The following DCBLD2 variants were observed in gnomAD, a reference collection of about 807,000 sequenced individuals.
The protein encoded by DCBLD2 is discoidin, CUB and LCCL domain containing 2.
A neutral mutation model predicts 86.8 loss-of-function variants in DCBLD2; 54 were observed. The ratio of observed to expected loss-of-function variants is 0.62; its 90% CI spans 0.50 to 0.78. The LOEUF (loss-of-function observed/expected upper bound fraction) is 0.78. DCBLD2 is among the 30% of genes least tolerant of loss of function. The pLI is 0.00. For synonymous variants in DCBLD2, 354 were observed against 341.3 expected, an observed-to-expected ratio of 1.04 and a Z score of -0.41; for missense variants, 908 against 954.2, an observed-to-expected ratio of 0.95 and a Z score of 0.64.
intron 1 of DCBLD2, among the ~76,000 whole-genome samples, chr3:98,882,518 C>T (rs994680550): frequency 6.6e-6 from 1 of 152,004 alleles, no homozygotes; most frequent in African/African-American, 2.4e-5. Context: ...GTTTGCTGTG[C>T]CCATCAACCC....
intron 1 of DCBLD2, among the ~76,000 whole-genome samples, chr3:98,900,432 GT>G (rs1252372068): frequency 1.3e-5 from 2 of 151,932 alleles, no homozygotes; most frequent in African/African-American, 4.8e-5. Flanking sequence ...TTAATAAACA[GT>G]TTTGCCTGTT....
chr3:98,897,693 C>T lies in DCBLD2; in HGVS notation c.205+3429G>A, dbSNP rs1943773822. On this transcript the variant is annotated intron_variant, in intron 1 of 15. Transcript: ENST00000326840. ...TTTTAAGAATGAACCTGATTTGTTTCACAGATTAAATTAGCAAAGAAAAAC... is the reference window on the plus strand; with the variant it reads ...TTTTAAGAATGAACCTGATTTGTTTTACAGATTAAATTAGCAAAGAAAAAC... Among the ~76,000 whole-genome samples the T allele has an allele frequency of 2.0e-5, 3 of 152,026 alleles. No homozygotes were observed. The South Asian group carries it at 6.2e-4, about 31-fold the overall frequency.
At chr3:98,824,298 C>T (rs1277286856) in intron 4 of DCBLD2, among the ~76,000 whole-genome samples, 1 of 144,552 alleles carries the variant, frequency 6.9e-6, no homozygotes, top group Non-Finnish European at 1.5e-5. Context: ...TGAGTGGAGG[C>T]TGGGACACCA....
intron 2 of DCBLD2, among the ~76,000 whole-genome samples, chr3:98,863,661 T>G (rs1413218922): frequency 1.3e-5 from 2 of 152,210 alleles, no homozygotes; most frequent in African/African-American, 2.4e-5. Flanking sequence ...GCTAGCCATA[T>G]GTAGAAAGCT....
intron 2 of DCBLD2, among the ~76,000 whole-genome samples, chr3:98,860,632 T>C (rs1208706614): frequency 1.3e-5 from 2 of 152,140 alleles, no homozygotes; most frequent in Non-Finnish European, 2.9e-5. Context: ...CTAAGCTTCA[T>C]AAGTGAAGGA....
intron 2 of DCBLD2, among the ~76,000 whole-genome samples, chr3:98,875,119 A>C (rs1013176741): frequency 9.2e-5 from 14 of 152,354 alleles, no homozygotes; most frequent in African/African-American, 3.4e-4. Flanking sequence ...AAAAAAAGGA[A>C]GTAGAACTAT....
chr3:98,870,738 AAAGAAAGAAAGAAAG>A (rs1559794409), intron 2 of DCBLD2, among the ~76,000 whole-genome samples: 5 of 13,314 alleles, frequency 3.8e-4, no homozygotes, highest in African/African-American at 1.3e-3. Flanking sequence ...AAAGAAAGAA[AAAGAAAGAAAGAAAG>A]AAAGAAAGAA....
intron 2 of DCBLD2, among the ~76,000 whole-genome samples, chr3:98,860,123 G>A (rs182436557): frequency 3.9e-5 from 6 of 152,232 alleles, no homozygotes; most frequent in Admixed American, 2.0e-4. Flanking sequence ...AAAGGGTATC[G>A]GTGATAGAAG....
At chr3:98,807,752 C>T (rs183273759) in intron 13 of DCBLD2, among the ~76,000 whole-genome samples, 1 of 152,218 alleles carries the variant, frequency 6.6e-6, no homozygotes, top group East Asian at 1.9e-4. Flanking sequence ...GATATAGTTC[C>T]TTGTTAGTCA....
chr3:98,854,237 T>C (rs999838275), intron 2 of DCBLD2, among the ~76,000 whole-genome samples: 8 of 152,328 alleles, frequency 5.3e-5, no homozygotes, highest in Non-Finnish European at 8.8e-5. Context: ...ATGTTTACCA[T>C]AGATGCTATC....
At position 98,799,422 on chromosome 3, in the gene DCBLD2, A is replaced by T; in HGVS notation, c.2278T>A (p.Ser760Thr). The T allele has an allele frequency of 6.2e-7, 1 of 1,613,892 alleles. No homozygotes were observed. The change falls in exon 16 of 16, where the codon TCA becomes ACA. Residue 760 changes from serine (S) to threonine (T), a missense_variant. By Grantham distance (58) the Ser-to-Thr change is moderately conservative. This residue lies in a region of DCBLD2 where 606 missense variants were observed against 678.5 expected (regional missense o/e 0.89). Transcript: ENST00000326840. ...YQVPQSTQEV[S>T]GAGRDGECDV... Reference sequence around the variant, plus strand: ...CATTCCCCATCCCTTCCTGCTCCTGATACTTCTTGTGTGCTCTGTGGCACC... The same window carrying T: ...CATTCCCCATCCCTTCCTGCTCCTGTTACTTCTTGTGTGCTCTGTGGCACC...
intron 2 of DCBLD2, among the ~76,000 whole-genome samples, chr3:98,874,847 T>A (rs1023257685): frequency 3.3e-5 from 5 of 152,206 alleles, no homozygotes; most frequent in African/African-American, 1.2e-4. Context: ...AAGAGAGCCC[T>A]CACCAGAAAC....
chr3:98,856,033 C>T (rs1049138954), intron 2 of DCBLD2, among the ~76,000 whole-genome samples: 1 of 152,166 alleles, frequency 6.6e-6, no homozygotes, highest in Non-Finnish European at 1.5e-5. Context: ...AATGTGAAGA[C>T]TTCAGCAAAA....
intron 2 of DCBLD2, among the ~76,000 whole-genome samples, chr3:98,850,419 C>T (rs1942815060): frequency 1.3e-5 from 2 of 152,252 alleles, no homozygotes; most frequent in South Asian, 4.1e-4. Context: ...CAAAGCTGTC[C>T]TGGGCCGCAT....
At chr3:98,844,244 A>C (rs574280308) in intron 3 of DCBLD2, among the ~76,000 whole-genome samples, 2 of 152,292 alleles carry the variant, frequency 1.3e-5, no homozygotes, top group East Asian at 3.9e-4. Flanking sequence ...CAGATTCAAA[A>C]ACAGAAATTT....
intron 3 of DCBLD2, among the ~76,000 whole-genome samples, chr3:98,845,415 G>A (rs1042150318): frequency 1.3e-5 from 2 of 152,020 alleles, no homozygotes; most frequent in African/African-American, 4.8e-5. Flanking sequence ...TCATCGAAAT[G>A]TTCCCTATAG....
At chr3:98,812,549 A>G in intron 9 of DCBLD2, 67 bp from the exon 10 acceptor site, 1 of 1,451,038 alleles carries the variant, frequency 6.9e-7, no homozygotes, top group Non-Finnish European at 9.4e-7. Flanking sequence ...TTCTCCACTT[A>G]AACATGTTTT....
chr3:98,839,144 C>CTTCCTTCCTTCCTTCTTTCTTTCT, intron 3 of DCBLD2, among the ~76,000 whole-genome samples: 2 of 111,044 alleles, frequency 1.8e-5, no homozygotes, highest in East Asian at 4.4e-4. Flanking sequence ...TCCTTCCTTC[C>CTTCCTTCCTTCCTTCTTTCTTTCT]TTCTTTCTTT....
Position 98,817,727 on chromosome 3 carries a change from T to C in DCBLD2, c.1212+42A>G, listed in dbSNP as rs1440150. Reference sequence around the variant, plus strand: ...AGCTCTGTGACTTGGCAACCACCCATTTAAAAAATGTTTTTTAAAAATACC... The same window carrying C: ...AGCTCTGTGACTTGGCAACCACCCACTTAAAAAATGTTTTTTAAAAATACC... On this transcript the variant is annotated intron_variant, in intron 9 of 15. Coordinates refer to ENST00000326840, the MANE Select transcript of DCBLD2 (RefSeq NM_080927.4). The C allele has an allele frequency of 0.43, 693,781 of 1,598,610 alleles. 153,329 individuals are homozygous for C. Among genetic ancestry groups the C allele is most frequent in the African/African-American group, 0.46 (34,077 of 74,584 alleles).
Sources: gnomAD v4.1 joint callset for allele counts (sites outside exome capture counted in the v4.1 genomes callset) on GRCh38, gnomAD v4.1.1 for gene constraint, gnomAD v4.1.1 regional missense constraint, MANE v1.5 for transcripts, NCBI Gene and HGNC (gene_info 2026-07-23, HGNC 2026-07-21) for gene names.